The following GDPD5 variants were observed in gnomAD, a reference collection of about 807,000 sequenced individuals.
GDPD5 encodes the protein glycerophosphodiester phosphodiesterase 2.
A neutral mutation model predicts 75.1 loss-of-function variants in GDPD5; 48 were observed. The ratio of observed to expected loss-of-function variants is 0.64; its 90% CI spans 0.51 to 0.81. The LOEUF is 0.81. GDPD5 is among the 40% of genes least tolerant of loss of function. The probability of loss-of-function intolerance (pLI) is 0.00; values close to 1 mark genes in which losing one functional copy is unlikely to be tolerated. For synonymous variants in GDPD5, 336 were observed against 339.0 expected, an observed-to-expected ratio of 0.99 and a Z score of 0.10; for missense variants, 706 against 822.6, an observed-to-expected ratio of 0.86 and a Z score of 1.73.
At chr11:75,442,687 G>C (rs1413671436) in intron 11 of GDPD5, 106 bp from the exon 12 acceptor site, 1 of 981,164 alleles carries the variant, frequency 1.0e-6, no homozygotes. Flanking sequence ...GCCAGAGTCT[G>C]CTGGGGTCAG....
intron 3 of GDPD5, among the ~76,000 whole-genome samples, chr11:75,466,309 G>A (rs1414120655): frequency 6.6e-6 from 1 of 152,150 alleles, no homozygotes; most frequent in Non-Finnish European, 1.5e-5. Context: ...CAGGCAGCGG[G>A]GGTCACTCTA....
chr11:75,487,590 G>A (rs759467607), intron 2 of GDPD5, among the ~76,000 whole-genome samples: 1 of 152,196 alleles, frequency 6.6e-6, no homozygotes, highest in Non-Finnish European at 1.5e-5. Flanking sequence ...CTCTTTCCAC[G>A]GTGATGCCAG....
chr11:75,499,718 G>A (rs1950271922), intron 1 of GDPD5, among the ~76,000 whole-genome samples: 1 of 152,200 alleles, frequency 6.6e-6, no homozygotes, highest in Non-Finnish European at 1.5e-5. Flanking sequence ...GAACTTCCCT[G>A]TAATTGAGAG....
rs116059116 is a variant in GDPD5, at chr11:75,505,857, G to A, written c.-144-15537C>T. On this transcript the variant is annotated intron_variant, in intron 1 of 16. Coordinates refer to ENST00000336898, the MANE Select transcript of GDPD5 (RefSeq NM_030792.8). ...AAAAGTGGAAAAGACTCTAACATAA[G>A]GTAAAGCATGAATCACTGCAGTCAG... Among the ~76,000 whole-genome samples the A allele has an allele frequency of 5.1e-3, 770 of 152,284 alleles. 8 individuals carry two copies. Among genetic ancestry groups the A allele is most frequent in the African/African-American group, 0.018 (740 of 41,554 alleles).
chr11:75,441,859 A>G, intron 12 of GDPD5, 56 bp from the exon 13 acceptor site: 1 of 1,520,252 alleles, frequency 6.6e-7, no homozygotes, highest in Non-Finnish European at 8.9e-7. Context: ...GCGTAAGAGT[A>G]CCTACTCCTC....
In GDPD5 at chr11:75,506,106, C is replaced by T. The variant is rs61897420; in HGVS notation, c.-144-15786G>A. On this transcript the variant is annotated intron_variant, in intron 1 of 16. Transcript: ENST00000336898. ...AGCCCCTTGGGAGGGTCAGATATGGCAAGAGCACAAAATGCTGAGCCAAGG... is the reference window on the plus strand; with the variant it reads ...AGCCCCTTGGGAGGGTCAGATATGGTAAGAGCACAAAATGCTGAGCCAAGG... Among the ~76,000 whole-genome samples the T allele has an allele frequency of 4.1e-3, 622 of 152,276 alleles. 3 individuals carry two copies. Among genetic ancestry groups the T allele is most frequent in the Non-Finnish European group, 6.6e-3 (447 of 68,024 alleles).
intron 1 of GDPD5, among the ~76,000 whole-genome samples, chr11:75,500,071 C>T (rs1950278196): frequency 6.6e-6 from 1 of 152,308 alleles, no homozygotes; most frequent in African/African-American, 2.4e-5. Context: ...CACCCTCAGC[C>T]CTCCACAGCC....
At chr11:75,508,501 G>C (rs369095276) in intron 1 of GDPD5, 2 of 152,214 alleles carry the variant, frequency 1.3e-5, no homozygotes, top group East Asian at 3.9e-4. Context: ...ATTCAAGGTT[G>C]CACAGGCACA....
At chr11:75,458,454 C>T (rs574044101) in intron 4 of GDPD5, among the ~76,000 whole-genome samples, 1 of 152,066 alleles carries the variant, frequency 6.6e-6, no homozygotes, top group Non-Finnish European at 1.5e-5. Context: ...GGGCGGATCA[C>T]GAGGTCAGGA....
chr11:75,510,829 A>C (rs1950502478), intron 1 of GDPD5, among the ~76,000 whole-genome samples: 1 of 151,878 alleles, frequency 6.6e-6, no homozygotes, highest in Non-Finnish European at 1.5e-5. Flanking sequence ...TGCCCAGGGT[A>C]ATGGGTCCTG....
chr11:75,468,680 C>A (rs566126397), intron 3 of GDPD5, among the ~76,000 whole-genome samples: 16 of 125,494 alleles, frequency 1.3e-4, no homozygotes, highest in Middle Eastern at 9.4e-3. Flanking sequence ...TCCCCCGACG[C>A]CCCCCCCCCG....
In GDPD5 at chr11:75,512,513, T is replaced by C. The variant is rs185120007; in HGVS notation, c.-145+12697A>G. Among the ~76,000 whole-genome samples, 14 of 152,310 alleles carry C rather than the reference T, an allele frequency of 9.2e-5. 1 individual carries two copies. In the East Asian group the frequency reaches 2.5e-3, roughly 27 times the overall value. The stretch of plus-strand genomic sequence containing the variant: ...AGGCGGGGTTCCTAAGGCCTGTCCC[T>C]CAACCCGTCCATGTTGCCATTGTTC... On this transcript the variant is annotated intron_variant, in intron 1 of 16. Transcript: ENST00000336898.
chr11:75,441,455 A>ACAAGCCCGGGT, intron 13 of GDPD5, 145 bp from the exon 14 acceptor site: 1 of 1,233,016 alleles, frequency 8.1e-7, no homozygotes. Context: ...AAGCTCCGGG[A>ACAAGCCCGGGT]CAAGCCCGGG....
Position 75,442,384 on chromosome 11 carries a change from G to C in GDPD5, c.1146C>G (p.His382Gln), listed in dbSNP as rs761268895. 2 of 1,570,904 alleles carry C rather than the reference G, an allele frequency of 1.3e-6. No homozygotes were observed. Among genetic ancestry groups the C allele is most frequent in the Admixed American group, 3.7e-5 (2 of 53,462 alleles). Residue 382 changes from histidine to glutamine, a missense_variant, in exon 12 of 17, where the codon CAC becomes CAG. By Grantham distance (24) the His-to-Gln change is conservative. Coordinates refer to ENST00000336898, the MANE Select transcript of GDPD5 (RefSeq NM_030792.8). Reference sequence around the variant, plus strand: ...TCACCTGGTGCTGGGGGAAGCCGGAGTGCAGCACGGCCTCCAGAGTCACGT... The same window carrying C: ...TCACCTGGTGCTGGGGGAAGCCGGACTGCAGCACGGCCTCCAGAGTCACGT... Reference protein sequence around the residue: ...FINVTLEAVLHSGFPQHQVMW... With the variant: ...FINVTLEAVLQSGFPQHQVMW...
At chr11:75,451,748 T>A (rs1949161842) in intron 6 of GDPD5, 1 of 152,216 alleles carries the variant, frequency 6.6e-6, no homozygotes, top group African/African-American at 2.4e-5. Flanking sequence ...GGAAACGACT[T>A]GCAATAAAAC....
intron 15 of GDPD5, chr11:75,439,417 T>C (rs905218184): frequency 1.5e-5 from 7 of 453,962 alleles, no homozygotes; most frequent in Admixed American, 9.4e-5. Context: ...CATGCGCCGA[T>C]CAGAGCAGGA....
intron 1 of GDPD5, among the ~76,000 whole-genome samples, chr11:75,522,513 A>G (rs1941503515): frequency 1.3e-5 from 2 of 152,032 alleles, no homozygotes; most frequent in Admixed American, 6.5e-5. Flanking sequence ...CCTCTCTGGA[A>G]TCAGAGGCCC....
intron 3 of GDPD5, among the ~76,000 whole-genome samples, chr11:75,474,835 G>A (rs1342666403): frequency 1.3e-5 from 2 of 152,194 alleles, no homozygotes; most frequent in Admixed American, 6.5e-5. Context: ...TGTCCCAAAT[G>A]CTCCTGGTCC....
At position 75,477,703 on chromosome 11, in the gene GDPD5, C is replaced by T. The variant is rs940464119; in HGVS notation, c.33G>A (p.Glu11=). The T allele has an allele frequency of 1.9e-6, 3 of 1,594,908 alleles. No individual in the cohort carries two copies. Among genetic ancestry groups the T allele is most frequent in the Non-Finnish European group, 2.6e-6 (3 of 1,165,782 alleles). MVRHQPLQYY[E]PQLCLSCLTG... ...TGAGGCAGGAGAGGCACAGCTGTGG[C>T]TCGTAGTACTGCAGGGGCTGGTGTC... The change falls in exon 3 of 17, where the codon GAG becomes GAA. Residue 11 remains glutamate, a synonymous_variant. Coordinates refer to ENST00000336898, the MANE Select transcript of GDPD5 (RefSeq NM_030792.8).
Sources: allele counts gnomAD v4.1 joint callset (sites outside exome capture counted in the v4.1 genomes callset), GRCh38; gene constraint gnomAD v4.1.1; transcripts MANE v1.5; gene names NCBI Gene and HGNC (gene_info 2026-07-23, HGNC 2026-07-21).